The following RARB variants were observed in gnomAD, a reference collection of about 807,000 sequenced individuals.
RARB encodes the protein retinoic acid receptor beta.
RARB carries 17 observed loss-of-function variants against 51.9 expected under a neutral mutation model. The ratio of observed to expected loss-of-function variants is 0.33; its 90% CI spans 0.22 to 0.49. The LOEUF (loss-of-function observed/expected upper bound fraction) is 0.49. Ranked by LOEUF, RARB falls within the 20% of genes least tolerant of loss-of-function variation. The pLI is 0.99. For missense variants in RARB, 369 were observed against 550.8 expected (o/e 0.67, Z 3.30); for synonymous variants, 215 against 195.4 (o/e 1.10, Z -0.84).
rs140029733 is a variant in RARB at position 25,542,359 on chromosome 3, G to A, written c.449-27399G>A. Among the ~76,000 whole-genome samples the A allele has an allele frequency of 8.9e-3, 1,361 of 152,330 alleles. 15 individuals carry two copies. Among genetic ancestry groups the A allele is most frequent in the African/African-American group, 0.03 (1,250 of 41,576 alleles). On this transcript the variant is annotated intron_variant, in intron 3 of 7. Transcript: ENST00000330688. ...GCCTTTGGGGACCTCCTCATCCCCT[G>A]TAATAAGTGACTGGATTTTTCATCC...
At chr3:25,238,070 T>C (rs1421722401) in intron 5 of RARB, among the ~76,000 whole-genome samples, 1 of 152,198 alleles carries the variant, frequency 6.6e-6, no homozygotes, top group Non-Finnish European at 1.5e-5. Flanking sequence ...TGTTACCTTC[T>C]TCTGTCAAAC....
chr3:25,367,795 C>A (rs1474996636), intron 5 of RARB, among the ~76,000 whole-genome samples: 5 of 145,372 alleles, frequency 3.4e-5, no homozygotes, highest in Non-Finnish European at 7.5e-5. Context: ...CAAAGTGAGA[C>A]CCTGTCACAA....
rs149691997 is a variant in RARB at position 24,884,860 on chromosome 3, A to G, written c.-380+26108A>G. Among the ~76,000 whole-genome samples, 5 of 152,256 alleles carry G rather than the reference A, an allele frequency of 3.3e-5. No homozygotes were observed. In the East Asian group the frequency reaches 9.7e-4, roughly 29 times the overall value. On this transcript the variant is annotated intron_variant, in intron 2 of 11. Coordinates refer to the RARB transcript ENST00000383772. ...ACAAGAAAGAAAATATAACCTGAATACAAGATGTGATGTGACTGTCAAATG... is the reference window on the plus strand; with the variant it reads ...ACAAGAAAGAAAATATAACCTGAATGCAAGATGTGATGTGACTGTCAAATG...
intron 5 of RARB, among the ~76,000 whole-genome samples, chr3:25,210,559 T>TGAGA (rs1701671755): frequency 4.2e-5 from 2 of 47,176 alleles, no homozygotes; most frequent in African/African-American, 1.4e-4. Context: ...TTTTTGAGAT[T>TGAGA]GAGTCTCACT....
chr3:25,419,794 A>G (rs529625823), intron 5 of RARB, among the ~76,000 whole-genome samples: 3 of 152,316 alleles, frequency 2.0e-5, no homozygotes, highest in Non-Finnish European at 1.5e-5. Context: ...ATTTCTGTCT[A>G]TTCTTTCCCT....
chr3:25,226,807 G>T (rs1400383722), intron 5 of RARB, among the ~76,000 whole-genome samples: 3 of 152,146 alleles, frequency 2.0e-5, no homozygotes, highest in Admixed American at 1.3e-4. Flanking sequence ...GATATGACAG[G>T]CTCAAGAAGG....
In RARB at chr3:25,156,228, C is replaced by T. The variant is rs571902115; in HGVS notation, c.-279-17891C>T. Among the ~76,000 whole-genome samples, 5 of 152,272 alleles carry T rather than the reference C, an allele frequency of 3.3e-5. No individual in the cohort carries two copies. In the South Asian group the frequency reaches 1.0e-3, roughly 32 times the overall value. On this transcript the variant is annotated intron_variant, in intron 4 of 11. Coordinates refer to the RARB transcript ENST00000383772. ...GAATGGGATTTGATAACGAATGGGT[C>T]TGTGTTGATGGACACTGGGGACAAG...
rs146133809 is a variant in RARB, at chr3:25,203,367, G to C, written c.178+28792G>C. Among the ~76,000 whole-genome samples the C allele has an allele frequency of 9.3e-3, 1,416 of 152,224 alleles. 20 individuals are homozygous for C. The highest frequency in any genetic ancestry group is 0.033 in the African/African-American group (1,366 of 41,534). On this transcript the variant is annotated intron_variant, in intron 5 of 11. Transcript: ENST00000383772. ...GTTTCCTGAATACAGGACACTGACA[G>C]GTCTTGACTCTTTATCCAATTTGCC...
At chr3:24,889,955 T>C (rs533634863) in intron 2 of RARB, among the ~76,000 whole-genome samples, 104 of 151,288 alleles carry the variant, frequency 6.9e-4, no homozygotes, top group Non-Finnish European at 1.2e-4. Flanking sequence ...TGGATAGCCC[T>C]GAAAGAAAAA....
At chr3:25,200,254 C>A (rs150133434) in intron 5 of RARB, among the ~76,000 whole-genome samples, 2 of 150,722 alleles carry the variant, frequency 1.3e-5, no homozygotes, top group Admixed American at 1.3e-4. Flanking sequence ...CTTTTGAGAA[C>A]TGTCTGTTCA....
chr3:25,003,954 C>T (rs1209646821), intron 2 of RARB, among the ~76,000 whole-genome samples: 5 of 152,130 alleles, frequency 3.3e-5, no homozygotes, highest in Admixed American at 2.0e-4. Context: ...CTCATCAGAG[C>T]ATGCAGGTCA....
At chr3:25,003,468 A>G (rs1469415109) in intron 2 of RARB, among the ~76,000 whole-genome samples, 2 of 152,146 alleles carry the variant, frequency 1.3e-5, no homozygotes, top group Non-Finnish European at 2.9e-5. Context: ...TGTCAGATAT[A>G]TCTTAGTACT....
chr3:24,973,785 T>A (rs746481746), intron 2 of RARB, among the ~76,000 whole-genome samples: 1 of 152,110 alleles, frequency 6.6e-6, no homozygotes, highest in Admixed American at 6.6e-5. Flanking sequence ...ACTACTGATT[T>A]TTGTATGTTG....
chr3:25,523,216 G>C (rs988437806), intron 3 of RARB, among the ~76,000 whole-genome samples: 6 of 152,178 alleles, frequency 3.9e-5, no homozygotes, highest in African/African-American at 1.4e-4. Flanking sequence ...CCTCCCAGGG[G>C]AATGGTTCTC....
At chr3:24,854,590 G>A (rs578104220) in intron 1 of RARB, among the ~76,000 whole-genome samples, 1 of 152,110 alleles carries the variant, frequency 6.6e-6, no homozygotes, top group African/African-American at 2.4e-5. Context: ...AAACTCTGGA[G>A]GTGCAATCTA....
chr3:25,258,352 A>C lies in RARB; in HGVS notation c.178+83777A>C, dbSNP rs536168722. The stretch of plus-strand genomic sequence containing the variant: ...GTCAGCACTCTTCTGTGATAGTTGT[A>C]TGTTGTTTTATGGTCGCAATTGATA... On this transcript the variant is annotated intron_variant, in intron 5 of 11. Coordinates refer to the RARB transcript ENST00000383772. Among the ~76,000 whole-genome samples, 155 of 152,262 alleles carry C rather than the reference A, an allele frequency of 1.0e-3. 2 individuals carry two copies. Among genetic ancestry groups the C allele is most frequent in the Admixed American group, 9.9e-3 (152 of 15,290 alleles).
At chr3:25,261,422 C>T (rs1702995001) in intron 5 of RARB, among the ~76,000 whole-genome samples, 1 of 152,092 alleles carries the variant, frequency 6.6e-6, no homozygotes, top group African/African-American at 2.4e-5. Context: ...TTCTGTAGTA[C>T]CTGTAACATG....
chr3:24,907,785 AT>A (rs1694897692), intron 2 of RARB, among the ~76,000 whole-genome samples: 1 of 152,146 alleles, frequency 6.6e-6, no homozygotes. Context: ...AGCTAAACAG[AT>A]TTGTTTTTAG....
chr3:24,871,356 C>A (rs149416459), intron 2 of RARB, among the ~76,000 whole-genome samples: 25 of 152,268 alleles, frequency 1.6e-4, no homozygotes, highest in Admixed American at 4.6e-4. Context: ...TCTCACTCTT[C>A]ATCCTATTTT....
Sources: gnomAD v4.1 joint callset for allele counts (sites outside exome capture counted in the v4.1 genomes callset) on GRCh38, gnomAD v4.1.1 for gene constraint, MANE v1.5 for transcripts, NCBI Gene and HGNC (gene_info 2026-07-23, HGNC 2026-07-21) for gene names.